NFIB: variants seen among roughly 807,000 people sequenced by gnomAD.
NFIB encodes the protein nuclear factor I B.
A neutral mutation model predicts 61.5 loss-of-function variants in NFIB; 11 were observed. The observed-to-expected ratio is 0.18, with a 90% CI of 0.11 to 0.30. The LOEUF is 0.30. Ranked by LOEUF, NFIB falls within the 10% of genes least tolerant of loss-of-function variation. The pLI is 1.00. For synonymous variants in NFIB, 260 were observed against 216.5 expected (o/e 1.20, Z -1.76); for missense variants, 471 against 608.9 (o/e 0.77, Z 2.38).
At chr9:14,451,108 G>A in the NFIB span, among the ~76,000 whole-genome samples, 1 of 152,226 alleles carries the variant, frequency 6.6e-6, no homozygotes, top group Non-Finnish European at 1.5e-5. Flanking sequence ...CCAGCTGGAG[G>A]AAACATTTGA....
chr9:14,330,704 G>A (rs1275548329), intron 1 of NFIB, among the ~76,000 whole-genome samples: 1 of 152,044 alleles, frequency 6.6e-6, no homozygotes, highest in African/African-American at 2.4e-5. Flanking sequence ...CCCAAATGGA[G>A]GTAGACCTGA....
upstream of NFIB, among the ~76,000 whole-genome samples, chr9:14,400,556 A>G (rs1316438328): frequency 6.6e-6 from 1 of 152,220 alleles, no homozygotes; most frequent in Admixed American, 6.5e-5. Context: ...AAGTTAAGCC[A>G]CCAGCTAAGA....
the NFIB span, among the ~76,000 whole-genome samples, chr9:14,405,283 T>A: frequency 1.3e-5 from 2 of 152,190 alleles, no homozygotes; most frequent in Non-Finnish European, 2.9e-5. Context: ...TTTTAGTGGA[T>A]GAGAAAAAAA....
At chr9:14,129,853 C>A (rs1428351535) in intron 6 of NFIB, among the ~76,000 whole-genome samples, 2 of 151,924 alleles carry the variant, frequency 1.3e-5, no homozygotes, top group Non-Finnish European at 2.9e-5. Context: ...TTGAATAATA[C>A]ATAAAATAAA....
intron 1 of NFIB, among the ~76,000 whole-genome samples, chr9:14,354,600 T>C (rs2061153701): frequency 6.6e-6 from 1 of 152,162 alleles, no homozygotes; most frequent in Non-Finnish European, 1.5e-5. Context: ...GGCCATCCCT[T>C]GTACAGTCAG....
intron 2 of NFIB, chr9:14,204,289 G>A (rs146296327): frequency 4.8e-5 from 33 of 680,558 alleles, no homozygotes; most frequent in Admixed American, 1.3e-4. Context: ...AGGTGGCTCC[G>A]GCCCCTGCTG....
At chr9:14,250,011 T>G (rs1217754328) in intron 2 of NFIB, among the ~76,000 whole-genome samples, 3 of 152,214 alleles carry the variant, frequency 2.0e-5, no homozygotes, top group Non-Finnish European at 4.4e-5. Flanking sequence ...TATTCCTAAC[T>G]CCTTGTTCAA....
intron 8 of NFIB, among the ~76,000 whole-genome samples, chr9:14,116,936 A>G (rs1371882208): frequency 1.3e-5 from 2 of 152,258 alleles, no homozygotes; most frequent in African/African-American, 4.8e-5. Flanking sequence ...TGAGATGCAC[A>G]CATTAGGCAA....
At chr9:14,397,646 T>A (rs1024348818) in intron 1 of NFIB, among the ~76,000 whole-genome samples, 2 of 152,222 alleles carry the variant, frequency 1.3e-5, no homozygotes, top group African/African-American at 4.8e-5. Context: ...AAGTCATGCT[T>A]ATTACTTTGT....
At chr9:14,289,123 T>C (rs7036943) in intron 2 of NFIB, among the ~76,000 whole-genome samples, 119,086 of 139,562 alleles carry the variant, frequency 0.85, 49,818 homozygotes, top group Non-Finnish European at 0.9. Flanking sequence ...TGTGTATATG[T>C]ATATATATAT....
intron 1 of NFIB, among the ~76,000 whole-genome samples, chr9:14,323,465 A>T (rs911425311): frequency 1.3e-4 from 20 of 152,204 alleles, no homozygotes; most frequent in African/African-American, 4.6e-4. Flanking sequence ...TTAAATTGTT[A>T]TACAAGTATT....
At chr9:14,438,029 T>TGTGC in the NFIB span, among the ~76,000 whole-genome samples, 67 of 127,982 alleles carry the variant, frequency 5.2e-4, no homozygotes, top group Middle Eastern at 3.8e-3. Context: ...TGTGTGTGTG[T>TGTGC]GCGCGTATGT....
At chr9:14,265,397 T>C (rs957854368) in intron 2 of NFIB, among the ~76,000 whole-genome samples, 1 of 152,142 alleles carries the variant, frequency 6.6e-6, no homozygotes, top group Admixed American at 6.5e-5. Flanking sequence ...GGGGCCCTAA[T>C]ATGACAGAAC....
chr9:14,321,640 G>A (rs901781099), intron 1 of NFIB, among the ~76,000 whole-genome samples: 1 of 152,174 alleles, frequency 6.6e-6, no homozygotes, highest in Non-Finnish European at 1.5e-5. Context: ...AGTTAAAGCA[G>A]AACAAAATGC....
At chr9:14,440,569 TAAAC>T in the NFIB span, among the ~76,000 whole-genome samples, 11 of 152,116 alleles carry the variant, frequency 7.2e-5, no homozygotes, top group African/African-American at 2.7e-4. Context: ...GGCTATGAAA[TAAAC>T]AAGCACATCA....
At chr9:14,318,902 C>T (rs2060601213), upstream of NFIB, among the ~76,000 whole-genome samples, 1 of 152,156 alleles carries the variant, frequency 6.6e-6, no homozygotes, top group Non-Finnish European at 1.5e-5. Flanking sequence ...TAAACTACTA[C>T]TGAGTACTAC....
chr9:14,488,766 A>G, the NFIB span, among the ~76,000 whole-genome samples: 11 of 152,358 alleles, frequency 7.2e-5, no homozygotes, highest in South Asian at 1.9e-3. Flanking sequence ...TACACAATGA[A>G]TACATTAAAG....
chr9:14,415,057 T>C, the NFIB span, among the ~76,000 whole-genome samples: 5 of 152,222 alleles, frequency 3.3e-5, no homozygotes, highest in African/African-American at 4.8e-5. Context: ...TAGCTCAGGA[T>C]CCCATAAGAC....
At chr9:14,362,214 T>C (rs1588369655) in intron 1 of NFIB, 1 of 152,080 alleles carries the variant, frequency 6.6e-6, no homozygotes, top group Non-Finnish European at 1.5e-5. Flanking sequence ...AGGAGAAAAA[T>C]AGCCTTCTAA....
Sources: allele counts gnomAD v4.1 joint callset (sites outside exome capture counted in the v4.1 genomes callset), GRCh38; gene constraint gnomAD v4.1.1; transcripts MANE v1.5; gene names NCBI Gene and HGNC (gene_info 2026-07-23, HGNC 2026-07-21).